Variants in SPATA45 observed in about 807,000 individuals in gnomAD.
SPATA45 encodes the protein spermatogenesis associated 45.
SPATA45 carries 5 observed loss-of-function variants against 7.0 expected under a neutral mutation model. The observed-to-expected ratio is 0.71, with a 90% CI of 0.37 to 1.50. The LOEUF is 1.50. Ranked by LOEUF, SPATA45 falls within the 40% of genes most tolerant of loss-of-function variation. SPATA45 has a pLI of 0.03. For synonymous variants in SPATA45, 40 were observed against 38.7 expected (o/e 1.03, Z -0.13); for missense variants, 111 against 114.9 (o/e 0.97, Z 0.16).
intron 1 of SPATA45, among the ~76,000 whole-genome samples, chr1:212,840,807 A>G (rs987526348): frequency 6.6e-6 from 1 of 151,094 alleles, no homozygotes; most frequent in Non-Finnish European, 1.5e-5. Context: ...TTTAGTAGAG[A>G]CGGGGTTTCA....
intron 1 of SPATA45, among the ~76,000 whole-genome samples, chr1:212,838,302 TA>T (rs55837628): frequency 0.58 from 80,369 of 139,316 alleles, 23,427 homozygotes; most frequent in African/African-American, 0.62. Context: ...GGACTTTGTC[TA>T]AAAAAAAAAA....
intron 1 of SPATA45, among the ~76,000 whole-genome samples, chr1:212,840,007 GTTA>G (rs1270546035): frequency 1.3e-5 from 2 of 151,650 alleles, no homozygotes; most frequent in Non-Finnish European, 3.0e-5. Flanking sequence ...CTTTAATATA[GTTA>G]TTGTGAGAAT....
At chr1:212,831,669 C>T (rs1203797019) in intron 2 of SPATA45, among the ~76,000 whole-genome samples, 3 of 151,336 alleles carry the variant, frequency 2.0e-5, no homozygotes, top group East Asian at 3.9e-4. Context: ...CTAGTCTTCA[C>T]GTCACTATTA....
Position 212,845,898 on chromosome 1 carries a change from G to A in SPATA45, c.-39+1682C>T, listed in dbSNP as rs146044909. ...GACTCTATATTTTTAAACAAACAGT[G>A]TTTTTACCTAAATCAATCTGGCCTG... On this transcript the variant is annotated intron_variant, in intron 1 of 2. Transcript: ENST00000332912. Among the ~76,000 whole-genome samples the A allele has an allele frequency of 4.3e-3, 649 of 152,204 alleles. 3 individuals are homozygous for A. The highest frequency in any genetic ancestry group is 0.015 in the African/African-American group (624 of 41,512).
chr1:212,847,033 G>A (rs112389703), intron 1 of SPATA45, among the ~76,000 whole-genome samples: 29,167 of 152,008 alleles, frequency 0.19, 3,859 homozygotes, highest in East Asian at 0.45. Flanking sequence ...TGGAACTACA[G>A]GCACACACCA....
Position 212,835,631 on chromosome 1 carries a change from G to C in SPATA45, c.277+242C>G, listed in dbSNP as rs781467370. On this transcript the variant is annotated intron_variant, in intron 2 of 2. Coordinates refer to ENST00000332912, the MANE Select transcript of SPATA45 (RefSeq NM_001024601.3). Reference sequence around the variant, plus strand: ...GTGGATCACCTGAGGTCAGGAGTTTGAGACCAGCCTGGCCAACAAGGTGAA... The same window carrying C: ...GTGGATCACCTGAGGTCAGGAGTTTCAGACCAGCCTGGCCAACAAGGTGAA... 2.6e-4 allele frequency among the ~76,000 whole-genome samples: 39 copies of C among 151,252 alleles called. 2 individuals carry two copies. The highest frequency in any genetic ancestry group is 3.5e-4 in the Non-Finnish European group (24 of 67,676).
chr1:212,830,347 T>C (rs1663461391), intron 2 of SPATA45, 86 bp from the exon 3 acceptor site: 4 of 805,650 alleles, frequency 5.0e-6, no homozygotes. Context: ...GGGCAGAGTA[T>C]TGTTTTTCAG....
intron 1 of SPATA45, among the ~76,000 whole-genome samples, chr1:212,839,981 T>G (rs1391800963): frequency 6.6e-6 from 1 of 151,742 alleles, no homozygotes; most frequent in African/African-American, 2.4e-5. Flanking sequence ...TACTTACAAG[T>G]TTTGATTTTC....
chr1:212,845,741 T>C (rs1663780859), intron 1 of SPATA45, among the ~76,000 whole-genome samples: 1 of 152,190 alleles, frequency 6.6e-6, no homozygotes. Context: ...TCCCCAGCTA[T>C]CTCCACCACA....
At chr1:212,832,669 C>T (rs1019596555) in intron 2 of SPATA45, among the ~76,000 whole-genome samples, 3 of 151,478 alleles carry the variant, frequency 2.0e-5, no homozygotes, top group African/African-American at 7.3e-5. Context: ...GAGTACAGTG[C>T]CTTCCAATTC....
intron 1 of SPATA45, among the ~76,000 whole-genome samples, chr1:212,842,635 T>C (rs1377923540): frequency 6.6e-6 from 1 of 152,202 alleles, no homozygotes; most frequent in African/African-American, 2.4e-5. Flanking sequence ...CTTGTTTAAG[T>C]TACTTACCTT....
At chr1:212,837,748 G>A (rs1663614437) in intron 1 of SPATA45, among the ~76,000 whole-genome samples, 1 of 151,820 alleles carries the variant, frequency 6.6e-6, no homozygotes, top group Non-Finnish European at 1.5e-5. Context: ...GTTGCAGTGA[G>A]CTGAGATTGT....
At chr1:212,834,867 G>A (rs898130455) in intron 2 of SPATA45, among the ~76,000 whole-genome samples, 12 of 151,640 alleles carry the variant, frequency 7.9e-5, no homozygotes, top group African/African-American at 2.9e-4. Flanking sequence ...GAGATAGCAG[G>A]TTTCTGAAGT....
At chr1:212,842,562 A>G (rs1663707055) in intron 1 of SPATA45, among the ~76,000 whole-genome samples, 1 of 152,212 alleles carries the variant, frequency 6.6e-6, no homozygotes, top group Admixed American at 6.5e-5. Flanking sequence ...TGGTACAAGC[A>G]TATTTTTTAA....
At chr1:212,842,104 G>A (rs1015413187) in intron 1 of SPATA45, among the ~76,000 whole-genome samples, 1 of 152,104 alleles carries the variant, frequency 6.6e-6, no homozygotes, top group South Asian at 2.1e-4. Flanking sequence ...TAGGCTGGGT[G>A]CGGTGGCTCA....
At chr1:212,845,628 A>C (rs1663779514) in intron 1 of SPATA45, among the ~76,000 whole-genome samples, 1 of 152,122 alleles carries the variant, frequency 6.6e-6, no homozygotes, top group Admixed American at 6.6e-5. Flanking sequence ...GAAGATCTTC[A>C]TTGACAAAGT....
chr1:212,839,168 T>C (rs1171516365), intron 1 of SPATA45, among the ~76,000 whole-genome samples: 2 of 147,320 alleles, frequency 1.4e-5, no homozygotes, highest in Non-Finnish European at 3.0e-5. Context: ...CCTGAGATGC[T>C]AATTCATCAA....
intron 1 of SPATA45, among the ~76,000 whole-genome samples, chr1:212,846,572 G>C (rs545075464): frequency 1.3e-5 from 2 of 152,032 alleles, no homozygotes; most frequent in African/African-American, 4.8e-5. Context: ...CCCTTAAGAA[G>C]GTACTTTGTA....
At chr1:212,831,969 C>A (rs1663497401) in intron 2 of SPATA45, among the ~76,000 whole-genome samples, 1 of 150,736 alleles carries the variant, frequency 6.6e-6, no homozygotes, top group African/African-American at 2.4e-5. Flanking sequence ...TTCTGTTTCC[C>A]CATAGCTCTT....
Sources: gnomAD v4.1 joint callset for allele counts (sites outside exome capture counted in the v4.1 genomes callset) on GRCh38, gnomAD v4.1.1 for gene constraint, MANE v1.5 for transcripts, NCBI Gene and HGNC (gene_info 2026-07-23, HGNC 2026-07-21) for gene names.